RPS6KC1: variants seen among roughly 807,000 people sequenced by gnomAD.
RPS6KC1 encodes the protein ribosomal protein S6 kinase C1, also known as inactive ribosomal protein S6 kinase delta-1.
RPS6KC1 carries 54 observed loss-of-function variants against 103.8 expected under a neutral mutation model. The ratio of observed to expected loss-of-function variants is 0.52; its 90% CI spans 0.42 to 0.65. The LOEUF (loss-of-function observed/expected upper bound fraction) is 0.65. Among genes scored for constraint, RPS6KC1 ranks in the 30% least tolerant of loss-of-function variants. The probability of loss-of-function intolerance (pLI) is 0.00; values close to 1 mark genes in which losing one functional copy is unlikely to be tolerated. For synonymous variants in RPS6KC1, 439 were observed against 438.7 expected, an observed-to-expected ratio of 1.00 and a Z score of -0.01; for missense variants, 1,151 against 1,253.8, an observed-to-expected ratio of 0.92 and a Z score of 1.24.
chr1:213,201,806 T>C (rs775212338), intron 8 of RPS6KC1, among the ~76,000 whole-genome samples: 15 of 152,196 alleles, frequency 9.9e-5, no homozygotes, highest in Non-Finnish European at 1.8e-4. Flanking sequence ...GAAAGGCATG[T>C]GGTACCTTCA....
intron 2 of RPS6KC1, among the ~76,000 whole-genome samples, chr1:213,073,315 A>G (rs1197785876): frequency 6.6e-6 from 1 of 152,272 alleles, no homozygotes; most frequent in Non-Finnish European, 1.5e-5. Flanking sequence ...AGGGCTAGTA[A>G]TACGCTAGCC....
At chr1:213,659,285 G>GAATATCAGCTATA in the RPS6KC1 span, among the ~76,000 whole-genome samples, 1 of 152,142 alleles carries the variant, frequency 6.6e-6, no homozygotes, top group Non-Finnish European at 1.5e-5. Context: ...TTCTTATAGG[G>GAATATCAGCTATA]AGGAAGGGCT....
chr1:213,549,612 C>CTTTTTTTTTTTTTTTTTTTTT, the RPS6KC1 span, among the ~76,000 whole-genome samples: 7 of 86,912 alleles, frequency 8.1e-5, no homozygotes, highest in East Asian at 3.5e-4. Flanking sequence ...TTTTCTTTTC[C>CTTTTTTTTTTTTTTTTTTTTT]TTTTTTTTTT....
intron 7 of RPS6KC1, among the ~76,000 whole-genome samples, chr1:213,172,200 G>A (rs1285305981): frequency 6.6e-6 from 1 of 152,144 alleles, no homozygotes; most frequent in Non-Finnish European, 1.5e-5. Flanking sequence ...AACAGATTGG[G>A]AAGAATAGAG....
chr1:213,717,763 A>G, the RPS6KC1 span, among the ~76,000 whole-genome samples: 3 of 152,230 alleles, frequency 2.0e-5, no homozygotes, highest in African/African-American at 7.2e-5. Flanking sequence ...ATATTTATGG[A>G]ATAGAATGAT....
chr1:213,186,308 TTCTC>T (rs936217100), intron 8 of RPS6KC1, among the ~76,000 whole-genome samples: 7 of 152,112 alleles, frequency 4.6e-5, no homozygotes, highest in African/African-American at 1.7e-4. Context: ...GAGAAATAGT[TTCTC>T]TCTCCTTCAT....
At chr1:213,726,694 T>C in the RPS6KC1 span, among the ~76,000 whole-genome samples, 2 of 152,244 alleles carry the variant, frequency 1.3e-5, no homozygotes, top group African/African-American at 4.8e-5. Context: ...ATCTATCTAT[T>C]GATGTATCTA....
intron 10 of RPS6KC1, among the ~76,000 whole-genome samples, chr1:213,239,622 C>G (rs2094305462): frequency 6.6e-6 from 1 of 152,078 alleles, no homozygotes; most frequent in Non-Finnish European, 1.5e-5. Flanking sequence ...GCATATGATG[C>G]TTAATGATTA....
chr1:213,403,652 G>A, the RPS6KC1 span, among the ~76,000 whole-genome samples: 2 of 152,134 alleles, frequency 1.3e-5, no homozygotes, highest in Non-Finnish European at 2.9e-5. Flanking sequence ...GCTCACCCAT[G>A]TTCACGTGCT....
At chr1:213,081,390 A>G (rs1014857343) in intron 3 of RPS6KC1, among the ~76,000 whole-genome samples, 1 of 152,176 alleles carries the variant, frequency 6.6e-6, no homozygotes, top group Admixed American at 6.5e-5. Context: ...CAACAGGTTT[A>G]GTTCACGGGA....
the RPS6KC1 span, among the ~76,000 whole-genome samples, chr1:213,456,669 C>A: frequency 6.6e-6 from 1 of 152,280 alleles, no homozygotes; most frequent in East Asian, 1.9e-4. Context: ...TGGGTAATTT[C>A]TTTTAATTTG....
chr1:213,832,803 G>A, the RPS6KC1 span, among the ~76,000 whole-genome samples: 261 of 152,322 alleles, frequency 1.7e-3, 1 homozygote, highest in African/African-American at 6.0e-3. Flanking sequence ...TTCGAGGTAG[G>A]TTTTTAAAAG....
chr1:213,054,788 C>T (rs887036948), intron 1 of RPS6KC1, among the ~76,000 whole-genome samples: 5 of 152,148 alleles, frequency 3.3e-5, no homozygotes, highest in Admixed American at 2.6e-4. Flanking sequence ...CAGTTAAACT[C>T]AGTGTTATTT....
chr1:213,207,175 G>A (rs756855923), intron 8 of RPS6KC1, among the ~76,000 whole-genome samples: 2 of 152,140 alleles, frequency 1.3e-5, no homozygotes, highest in Non-Finnish European at 2.9e-5. Context: ...GGCATATTTT[G>A]AGATGGCTAT....
chr1:213,363,629 T>TTG, the RPS6KC1 span, among the ~76,000 whole-genome samples: 853 of 36,044 alleles, frequency 0.024, 4 homozygotes, highest in South Asian at 0.029. Context: ...TTGCTTGCTT[T>TTG]CTTTCTTTCT....
chr1:213,861,176 G>A, the RPS6KC1 span, among the ~76,000 whole-genome samples: 1 of 152,150 alleles, frequency 6.6e-6, no homozygotes, highest in Non-Finnish European at 1.5e-5. Flanking sequence ...AAGCTGACTT[G>A]ATCTTAGATG....
chr1:213,763,852 C>T, the RPS6KC1 span, among the ~76,000 whole-genome samples: 2 of 152,152 alleles, frequency 1.3e-5, no homozygotes, highest in African/African-American at 4.8e-5. Context: ...CTCTGAATTC[C>T]CAGCATCCCA....
At chr1:213,391,231 A>C in the RPS6KC1 span, among the ~76,000 whole-genome samples, 1 of 152,186 alleles carries the variant, frequency 6.6e-6, no homozygotes, top group Non-Finnish European at 1.5e-5. Flanking sequence ...GACTGGAATA[A>C]TTAAATACAC....
chr1:213,409,711 A>C, the RPS6KC1 span, among the ~76,000 whole-genome samples: 1 of 152,206 alleles, frequency 6.6e-6, no homozygotes, highest in Non-Finnish European at 1.5e-5. Context: ...AATGGCTCCA[A>C]TGTGTTTAGT....
Sources: gnomAD v4.1 joint callset for allele counts (sites outside exome capture counted in the v4.1 genomes callset) on GRCh38, gnomAD v4.1.1 for gene constraint, MANE v1.5 for transcripts, NCBI Gene and HGNC (gene_info 2026-07-23, HGNC 2026-07-21) for gene names.